Variants in DIP2C observed in about 807,000 individuals in gnomAD.
DIP2C encodes DIP2 acetate--CoA ligase C (putative), also known as disco-interacting protein 2 homolog C.
DIP2C carries 33 observed loss-of-function variants against 192.4 expected under a neutral mutation model. The ratio of observed to expected loss-of-function variants is 0.17; its 90% CI spans 0.13 to 0.23. The LOEUF is 0.23. Ranked by LOEUF, DIP2C falls within the 10% of genes least tolerant of loss-of-function variation. The pLI is 1.00. For missense variants in DIP2C, 1,537 were observed against 2,110.1 expected (o/e 0.73, Z 5.32); for synonymous variants, 979 against 864.1 (o/e 1.13, Z -2.33).
intron 1 of DIP2C, among the ~76,000 whole-genome samples, chr10:490,009 G>A (rs1193438818): frequency 3.6e-5 from 2 of 55,182 alleles, no homozygotes; most frequent in African/African-American, 1.0e-4. Context: ...CTCTGACGGT[G>A]CCTGGGGCTT....
intron 9 of DIP2C, among the ~76,000 whole-genome samples, chr10:407,961 TG>T (rs113382783): frequency 3.1e-4 from 47 of 152,358 alleles, no homozygotes; most frequent in African/African-American, 1.1e-3. Context: ...TTTTGTTGCC[TG>T]TGGTTCGGGT....
At chr10:507,238 G>A (rs552773186) in intron 1 of DIP2C, among the ~76,000 whole-genome samples, 4 of 150,906 alleles carry the variant, frequency 2.7e-5, no homozygotes, top group East Asian at 2.0e-4. Context: ...GCACAGAGGC[G>A]TGAGGTTACG....
chr10:677,922 G>C (rs775204669), intron 1 of DIP2C, among the ~76,000 whole-genome samples: 3 of 152,228 alleles, frequency 2.0e-5, no homozygotes, highest in Non-Finnish European at 4.4e-5. Flanking sequence ...CACCCGGCGT[G>C]GTCCAGTGCA....
chr10:552,124 G>T (rs1336426590), intron 1 of DIP2C, among the ~76,000 whole-genome samples: 1 of 152,236 alleles, frequency 6.6e-6, no homozygotes, highest in East Asian at 1.9e-4. Flanking sequence ...ACACTCTGTT[G>T]TAACTGACGG....
chr10:610,981 C>T (rs571434198), intron 1 of DIP2C, among the ~76,000 whole-genome samples: 12 of 124,786 alleles, frequency 9.6e-5, no homozygotes, highest in Non-Finnish European at 1.7e-4. Context: ...GACTGACTCA[C>T]GGGGGTGCTT....
At chr10:369,394 C>CCACGGGAACGCGGGAA in intron 18 of DIP2C, 100 bp downstream of exon 18, 1 of 1,433,702 alleles carries the variant, frequency 7.0e-7, no homozygotes, top group Non-Finnish European at 9.2e-7. Flanking sequence ...TGAGGGCACA[C>CCACGGGAACGCGGGAA]CACGGGAACG....
chr10:304,095 AACG>A (rs1956193496), intron 32 of DIP2C, among the ~76,000 whole-genome samples: 1 of 152,196 alleles, frequency 6.6e-6, no homozygotes, highest in African/African-American at 2.4e-5. Context: ...GCTCTAAGAT[AACG>A]ACATTAAAGG....
chr10:574,523 T>G (rs1480124703), intron 1 of DIP2C, among the ~76,000 whole-genome samples: 2 of 150,988 alleles, frequency 1.3e-5, no homozygotes, highest in East Asian at 3.9e-4. Context: ...ACAGGGTACA[T>G]GTATTAGTGA....
chr10:490,791 T>C (rs1232665287), intron 1 of DIP2C, among the ~76,000 whole-genome samples: 1 of 152,126 alleles, frequency 6.6e-6, no homozygotes, highest in African/African-American at 2.4e-5. Flanking sequence ...TCTCAGAGAC[T>C]TTCCGTAAGA....
chr10:565,359 A>T (rs77668066), intron 1 of DIP2C, among the ~76,000 whole-genome samples: 4 of 142,724 alleles, frequency 2.8e-5, no homozygotes, highest in Non-Finnish European at 6.0e-5. Context: ...CATTCTAAAA[A>T]AAAAAAAAAA....
intron 1 of DIP2C, among the ~76,000 whole-genome samples, chr10:552,742 G>A (rs934165211): frequency 6.6e-6 from 1 of 152,196 alleles, no homozygotes; most frequent in African/African-American, 2.4e-5. Context: ...CCAGCTACTC[G>A]GGAGGCTGAG....
chr10:670,508 T>A (rs2132141775), intron 1 of DIP2C, among the ~76,000 whole-genome samples: 1 of 152,336 alleles, frequency 6.6e-6, no homozygotes, highest in Middle Eastern at 3.4e-3. Context: ...TCTGGAATGT[T>A]CCAGAGACAA....
intron 2 of DIP2C, chr10:484,713 C>T: frequency 1.3e-6 from 2 of 1,540,146 alleles, no homozygotes; most frequent in Non-Finnish European, 1.7e-6. Flanking sequence ...CGGGATGGCA[C>T]TCGGCGGGTG....
At chr10:348,830 C>A in intron 25 of DIP2C, 68 bp from the exon 26 acceptor site, 2 of 1,579,750 alleles carry the variant, frequency 1.3e-6, no homozygotes, top group Non-Finnish European at 1.7e-6. Context: ...TCCCTGTCAG[C>A]ATCAATGCTT....
At chr10:671,758 C>T (rs1830653818) in intron 1 of DIP2C, among the ~76,000 whole-genome samples, 3 of 130,980 alleles carry the variant, frequency 2.3e-5, no homozygotes, top group Non-Finnish European at 3.2e-5. Context: ...CACAGACGCA[C>T]GGACGGAGGA....
chr10:409,085 A>G, intron 8 of DIP2C, 68 bp from the exon 9 acceptor site: 1 of 1,540,744 alleles, frequency 6.5e-7, no homozygotes, highest in Admixed American at 1.7e-5. Context: ...CTGCAAGTCA[A>G]AGTCTAGGAC....
At chr10:406,180 C>CAA (rs1200187185) in intron 9 of DIP2C, among the ~76,000 whole-genome samples, 2 of 152,222 alleles carry the variant, frequency 1.3e-5, no homozygotes, top group Admixed American at 1.3e-4. Flanking sequence ...CTTAAGACTA[C>CAA]AAACCACATT....
chr10:487,864 C>T (rs1053208273), intron 1 of DIP2C, among the ~76,000 whole-genome samples: 3 of 152,202 alleles, frequency 2.0e-5, no homozygotes, highest in African/African-American at 7.2e-5. Context: ...GCGTGAGCCA[C>T]CGTGCCCAGC....
chr10:388,103 T>C lies in DIP2C; in HGVS notation c.1598-294A>G, dbSNP rs532750612. On this transcript the variant is annotated intron_variant, in intron 13 of 36. Coordinates refer to ENST00000280886, the MANE Select transcript of DIP2C (RefSeq NM_014974.3). The stretch of plus-strand genomic sequence containing the variant: ...ATATATTTCCCCCTCTCTGCCTTTT[T>C]CTTTAAAAGATTTCTTTTCACTTCC... Among the ~76,000 whole-genome samples, 133 of 152,174 alleles carry C rather than the reference T, an allele frequency of 8.7e-4. 1 individual carries two copies. Among genetic ancestry groups the C allele is most frequent in the African/African-American group, 3.0e-3 (125 of 41,458 alleles).
Sources: allele counts gnomAD v4.1 joint callset (sites outside exome capture counted in the v4.1 genomes callset), GRCh38; gene constraint gnomAD v4.1.1; transcripts MANE v1.5; gene names NCBI Gene and HGNC (gene_info 2026-07-23, HGNC 2026-07-21).